The following EPN1 variants were observed in gnomAD, a reference collection of about 807,000 sequenced individuals.
EPN1 encodes epsin-1.
Under a neutral mutation model 56.9 loss-of-function variants are expected in EPN1, and 25 were observed. The ratio of observed to expected loss-of-function variants is 0.44; its 90% CI spans 0.32 to 0.61. The LOEUF (loss-of-function observed/expected upper bound fraction) is 0.61, where lower values mean the gene tolerates loss of function less well. Among genes scored for constraint, EPN1 ranks in the 20% least tolerant of loss-of-function variants. The probability of loss-of-function intolerance (pLI) is 0.05; values close to 1 mark genes in which losing one functional copy is unlikely to be tolerated. For missense variants in EPN1, 785 were observed against 823.7 expected, an observed-to-expected ratio of 0.95 and a Z score of 0.58; for synonymous variants, 411 against 361.8, an observed-to-expected ratio of 1.14 and a Z score of -1.54.
chr19:55,677,865 C>T, intron 1 of EPN1: 1 of 1,235,216 alleles, frequency 8.1e-7, no homozygotes, highest in South Asian at 2.0e-5. Context: ...TCCCTCTCCA[C>T]TTCCTCCTTG....
chr19:55,679,170 C>T (rs1251759365), intron 2 of EPN1, among the ~76,000 whole-genome samples: 9 of 152,222 alleles, frequency 5.9e-5, no homozygotes, highest in African/African-American at 1.7e-4. Context: ...GCCAAGTTTC[C>T]GCTCTGGGCC....
chr19:55,692,590 T>C (rs1284241188), intron 7 of EPN1, 96 bp from the exon 8 acceptor site: 11 of 796,844 alleles, frequency 1.4e-5, no homozygotes, highest in Non-Finnish European at 2.1e-5. Context: ...AGGGGGGCTT[T>C]TGTGTGAACA....
chr19:55,677,036 C>G lies in EPN1; in HGVS notation c.-101-1491C>G, dbSNP rs532570399. The G allele has an allele frequency of 2.1e-6, 3 of 1,397,280 alleles. No individual in the cohort carries two copies. In the African/African-American group the frequency reaches 4.3e-5, roughly 20 times the overall value. 86.6% of individuals were successfully genotyped at this position (1,397,280 alleles called of 1,614,324 possible). On this transcript the variant is annotated intron_variant, in intron 1 of 10. Transcript: ENST00000270460. ...AGAGTTACTTTTTAACTAGCTACAT[C>G]TGTCTTCAGGTGCCTGGCTTTCTGG...
At chr19:55,684,934 G>A (rs1012699765) in intron 2 of EPN1, among the ~76,000 whole-genome samples, 1 of 152,094 alleles carries the variant, frequency 6.6e-6, no homozygotes, top group East Asian at 1.9e-4. Context: ...CCTTCATATC[G>A]CACAGTTCAG....
In EPN1 at chr19:55,706,035, T is replaced by G. The variant is rs568863919; in HGVS notation, c.*10679T>G. 1.6e-5 allele frequency: 3 copies of G among 189,552 alleles called. No homozygotes were observed. In the South Asian group the frequency reaches 2.8e-4, roughly 18 times the overall value. 11.7% of individuals were successfully genotyped at this position (189,552 alleles called of 1,614,324 possible). Reference sequence around the variant, plus strand: ...CAGTTACAAAGAAGGCCTTATTATCTGGAAGAAAAGGGACCATAGAATGTC... The same window carrying G: ...CAGTTACAAAGAAGGCCTTATTATCGGGAAGAAAAGGGACCATAGAATGTC... On this transcript the variant is annotated 3_prime_UTR_variant, in exon 11 of 11. Coordinates refer to ENST00000270460, the MANE Select transcript of EPN1 (RefSeq NM_001130072.2).
chr19:55,689,457 T>G lies in EPN1; in HGVS notation c.678+86T>G. 9.7e-7 allele frequency: 1 copy of G among 1,030,752 alleles called. No homozygotes were observed. The highest frequency in any genetic ancestry group is 1.5e-6 in the Non-Finnish European group (1 of 680,196). 63.9% of individuals were successfully genotyped at this position (1,030,752 alleles called of 1,614,324 possible). On this transcript the variant is annotated intron_variant, in intron 5 of 10. Coordinates refer to ENST00000270460, the MANE Select transcript of EPN1 (RefSeq NM_001130072.2). The surrounding 1 kb of genome is among the most constrained non-coding windows in gnomAD (Gnocchi z 5.7). ...CCCCTTCCTAAGTCACCCCCCACCA[T>G]CCTGCTGGGCCCGAAGCCCACAGGC...
At position 55,707,892 on chromosome 19, in the gene EPN1, G is replaced by GT. The variant is rs1425795273; in HGVS notation, c.*12537dup. The GT allele has an allele frequency of 6.5e-6, 1 of 153,724 alleles. No homozygotes were observed. The highest frequency in any genetic ancestry group is 1.5e-5 in the Non-Finnish European group (1 of 68,240). The allele number at this position is 153,724 out of a possible 1,614,324, so 9.5% of individuals were successfully genotyped here. ...AGTCCTGACCTGGTGATCCGCCCGC[G>GT]TGGACCTCCCAAAGTGCTGGAATTA... On this transcript the variant is annotated 3_prime_UTR_variant, in exon 11 of 11. Coordinates refer to ENST00000270460, the MANE Select transcript of EPN1 (RefSeq NM_001130072.2).
At chr19:55,693,213 C>A in intron 9 of EPN1, 176 bp downstream of exon 9, 1 of 544,842 alleles carries the variant, frequency 1.8e-6, no homozygotes, top group Non-Finnish European at 3.2e-6. Flanking sequence ...AAGAAGTGTG[C>A]ATCTTTATTT....
intron 7 of EPN1, 93 bp from the exon 8 acceptor site, chr19:55,692,593 T>C (rs2122213831): frequency 1.2e-6 from 1 of 824,420 alleles, no homozygotes; most frequent in Non-Finnish European, 1.8e-6. Flanking sequence ...GGGGCTTTTG[T>C]GTGAACAGCC....
In EPN1 at chr19:55,694,630, C is replaced by G. The variant is rs1986795971; in HGVS notation, c.1265-96C>G. ...CTTCCCGAGGCCTCTGGGCACCGGG[C>G]TCTTTGAAGCGCCCCCTATGATGGC... On this transcript the variant is annotated intron_variant, in intron 9 of 10. Coordinates refer to ENST00000270460, the MANE Select transcript of EPN1 (RefSeq NM_001130072.2). This position sits in a 1 kb window ranked among gnomAD's most constrained non-coding sequence, Gnocchi z 4.2. The G allele has an allele frequency of 7.1e-7, 1 of 1,415,698 alleles. No individual in the cohort carries two copies. The highest frequency in any genetic ancestry group is 1.6e-5 in the South Asian group (1 of 61,854). The allele number at this position is 1,415,698 out of a possible 1,614,324, so 87.7% of individuals were successfully genotyped here. A position where few individuals can be genotyped will look rare whatever the true frequency, so the allele number is the denominator to read the frequency against.
chr19:55,682,124 A>G (rs767391658), intron 2 of EPN1, among the ~76,000 whole-genome samples: 9 of 152,214 alleles, frequency 5.9e-5, no homozygotes, highest in Non-Finnish European at 1.0e-4. Context: ...CACTTCTAAA[A>G]TAAGGTTTTA....
At chr19:55,676,092 G>A (rs558008533) in intron 1 of EPN1, among the ~76,000 whole-genome samples, 2 of 152,266 alleles carry the variant, frequency 1.3e-5, no homozygotes, top group African/African-American at 2.4e-5. Flanking sequence ...TTTCCTAGTC[G>A]TAGGAAATCC....
chr19:55,689,726 T>C lies in EPN1; in HGVS notation c.679-141T>C. 1.2e-6 allele frequency: 1 copy of C among 801,078 alleles called. No homozygotes were observed. The highest frequency in any genetic ancestry group is 2.0e-5 in the Admixed American group (1 of 49,260). The allele number at this position is 801,078 out of a possible 1,614,324, so 49.6% of individuals were successfully genotyped here. The stretch of plus-strand genomic sequence containing the variant: ...TTTGACCCAGGTGCCCCATCCCCAT[T>C]TCATACATTGTCCGCATCCCATCGA... On this transcript the variant is annotated intron_variant, in intron 5 of 10. Coordinates refer to ENST00000270460, the MANE Select transcript of EPN1 (RefSeq NM_001130072.2). The surrounding 1 kb of genome is among the most constrained non-coding windows in gnomAD (Gnocchi z 5.7).
In EPN1 at chr19:55,689,305, C is replaced by A; in HGVS notation, c.612C>A (p.Ser204=). 1 of 1,550,612 alleles carries A rather than the reference C, an allele frequency of 6.4e-7. No individual in the cohort carries two copies. Among genetic ancestry groups the A allele is most frequent in the South Asian group, 1.2e-5 (1 of 83,996 alleles). The change falls in exon 5 of 11, where the codon TCC becomes TCA. Residue 204 remains serine, a synonymous_variant. Coordinates refer to ENST00000270460, the MANE Select transcript of EPN1 (RefSeq NM_001130072.2). This position sits in a 1 kb window ranked among gnomAD's most constrained non-coding sequence, Gnocchi z 5.7. ...CACTCTCTCTCCCCCAGCCCCCGTC[C>A]TGCGGCCCCGAGGACGACGCCCAGC... ...MSKEEADQPP[S]CGPEDDAQLQ...
At chr19:55,683,413 G>T (rs1192234356) in intron 2 of EPN1, among the ~76,000 whole-genome samples, 3 of 152,092 alleles carry the variant, frequency 2.0e-5, no homozygotes, top group East Asian at 1.9e-4. Context: ...GTACAGTGGC[G>T]TGCTCTTGGC....
intron 1 of EPN1, chr19:55,677,518 GT>G: frequency 1.7e-5 from 22 of 1,307,178 alleles, no homozygotes; most frequent in Non-Finnish European, 2.3e-5. Context: ...CATTCCTGGT[GT>G]GTGACCTTGG....
Position 55,692,959 on chromosome 19 carries a change from G to A in EPN1, c.1186G>A (p.Gly396Arg), listed in dbSNP as rs370210796. 15 of 1,613,372 alleles carry A rather than the reference G, an allele frequency of 9.3e-6. No homozygotes were observed. Among genetic ancestry groups the A allele is most frequent in the South Asian group, 2.2e-5 (2 of 91,080 alleles). The change falls in exon 9 of 11, where the codon GGA becomes AGA. Residue 396 changes from glycine to arginine, a missense_variant. By Grantham distance (125) the Gly-to-Arg change is moderately radical. This residue lies in a region of EPN1 where 650 missense variants were observed against 605.0 expected (regional missense o/e 1.07). Transcript: ENST00000270460. ...PSTNGTTAAG[G>R]FDTEPDEFSD... The stretch of plus-strand genomic sequence containing the variant: ...ACATCCTGACCCCACAGCAGCCGGG[G>A]GATTCGACACGGAGCCCGACGAGTT...
At chr19:55,687,596 G>T (rs553956088) in intron 3 of EPN1, among the ~76,000 whole-genome samples, 2 of 152,178 alleles carry the variant, frequency 1.3e-5, no homozygotes, top group East Asian at 3.9e-4. Flanking sequence ...AGTCACAGGG[G>T]CAGGGAAGAG....
chr19:55,681,611 T>G (rs1344884569), intron 2 of EPN1, among the ~76,000 whole-genome samples: 1 of 152,246 alleles, frequency 6.6e-6, no homozygotes, highest in Non-Finnish European at 1.5e-5. Context: ...CCTGAAAAAC[T>G]GAAATGTTTT....
Sources: allele counts gnomAD v4.1 joint callset (sites outside exome capture counted in the v4.1 genomes callset), GRCh38; gene constraint gnomAD v4.1.1; regional missense constraint gnomAD v4.1.1; non-coding constraint Gnocchi (gnomAD v3.1); transcripts MANE v1.5; gene names NCBI Gene and HGNC (gene_info 2026-07-23, HGNC 2026-07-21).